The following NHLRC2 variants were observed in gnomAD, a reference collection of about 807,000 sequenced individuals.
NHLRC2 encodes the protein NHL repeat-containing protein 2.
In NHLRC2, 33 loss-of-function variants were observed where a neutral mutation model predicts 68.1. The ratio of observed to expected loss-of-function variants is 0.48; its 90% CI spans 0.37 to 0.65. The LOEUF is 0.65. NHLRC2 is among the 30% of genes least tolerant of loss of function. The pLI, the probability that NHLRC2 is intolerant of heterozygous loss-of-function variation, is 0.00. For synonymous variants in NHLRC2, 311 were observed against 309.6 expected (o/e 1.00, Z -0.05); for missense variants, 761 against 853.8 (o/e 0.89, Z 1.35).
chr10:113,882,590 A>G (rs1052620409), intron 4 of NHLRC2, among the ~76,000 whole-genome samples: 1 of 151,724 alleles, frequency 6.6e-6, no homozygotes, highest in African/African-American at 2.4e-5. Context: ...TTCTAGGTAC[A>G]AGTTCTTTAT....
Position 113,914,942 on chromosome 10 carries a change from G to C in NHLRC2, c.*6406G>C. 1 of 455,738 alleles carries C rather than the reference G, an allele frequency of 2.2e-6. No homozygotes were observed. Among genetic ancestry groups the C allele is most frequent in the South Asian group, 1.6e-5 (1 of 64,494 alleles). 28.2% of individuals were successfully genotyped at this position (455,738 alleles called of 1,614,324 possible). On this transcript the variant is annotated 3_prime_UTR_variant, in exon 11 of 11. Coordinates refer to ENST00000369301, the MANE Select transcript of NHLRC2 (RefSeq NM_198514.4). ...CTTTACATATGAGCTCTGGAGGTTC[G>C]CCTGGCTGCCTCAGGCTTGCAGAAG...
In NHLRC2 at chr10:113,896,861, G is replaced by T. The variant is rs1201237934; in HGVS notation, c.1040-1249G>T. On this transcript the variant is annotated intron_variant, in intron 5 of 10. Transcript: ENST00000369301. The stretch of plus-strand genomic sequence containing the variant: ...TACAAAAAATTAGCCGGGCATGGTG[G>T]CGGGTGCCTGTAGTCCCAGCTACTC... Among the ~76,000 whole-genome samples, 3 of 151,858 alleles carry T rather than the reference G, an allele frequency of 2.0e-5. 1 individual carries two copies. The highest frequency in any genetic ancestry group is 4.4e-5 in the Non-Finnish European group (3 of 67,938).
intron 2 of NHLRC2, among the ~76,000 whole-genome samples, chr10:113,871,852 G>GAGAAT (rs1845929048): frequency 6.6e-6 from 1 of 152,132 alleles, no homozygotes; most frequent in Non-Finnish European, 1.5e-5. Context: ...CTAGGAGACA[G>GAGAAT]AGAATATCAT....
intron 4 of NHLRC2, among the ~76,000 whole-genome samples, chr10:113,880,973 T>G (rs1846031745): frequency 6.6e-6 from 1 of 151,924 alleles, no homozygotes; most frequent in South Asian, 2.1e-4. Context: ...TGGGGGGATA[T>G]CTGTGCAGCA....
At chr10:113,894,200 T>C (rs1846157485) in intron 5 of NHLRC2, among the ~76,000 whole-genome samples, 1 of 152,172 alleles carries the variant, frequency 6.6e-6, no homozygotes, top group African/African-American at 2.4e-5. Flanking sequence ...AGTCCTTTTA[T>C]TTTCATTTAC....
chr10:113,886,923 A>G (rs569350312), intron 5 of NHLRC2, among the ~76,000 whole-genome samples: 1 of 152,344 alleles, frequency 6.6e-6, no homozygotes, highest in East Asian at 1.9e-4. Context: ...CAGTTAACAG[A>G]ATGAAGAGAC....
At chr10:113,873,828 C>T (rs558496954) in intron 2 of NHLRC2, among the ~76,000 whole-genome samples, 11 of 150,992 alleles carry the variant, frequency 7.3e-5, no homozygotes, top group East Asian at 2.0e-4. Context: ...ATTAGAGACG[C>T]GGAAGGAGGA....
At chr10:113,876,109 TAA>T (rs74263601) in intron 2 of NHLRC2, among the ~76,000 whole-genome samples, 1 of 144,006 alleles carries the variant, frequency 6.9e-6, no homozygotes. Context: ...AAAGTTAGAT[TAA>T]AAAAAAAAAG....
intron 4 of NHLRC2, 106 bp from the exon 5 acceptor site, chr10:113,884,145 C>T (rs1357483833): frequency 3.1e-6 from 3 of 960,512 alleles, no homozygotes; most frequent in Non-Finnish European, 4.7e-6. Context: ...CTTTGTACTG[C>T]ACATACACTC....
chr10:113,905,506 A>G (rs1036334889), intron 10 of NHLRC2, among the ~76,000 whole-genome samples: 5 of 152,160 alleles, frequency 3.3e-5, no homozygotes, highest in East Asian at 3.9e-4. Context: ...TCATTAATCT[A>G]TGGTAAGGAA....
intron 2 of NHLRC2, among the ~76,000 whole-genome samples, chr10:113,875,553 T>C (rs1338289303): frequency 1.3e-5 from 2 of 152,162 alleles, no homozygotes; most frequent in Non-Finnish European, 2.9e-5. Context: ...AGGAAAAGGA[T>C]TGGAAAAGAA....
rs371092325 is a variant in NHLRC2, at chr10:113,855,592, G to T, written c.178+542G>T. On this transcript the variant is annotated intron_variant, in intron 1 of 10. Coordinates refer to ENST00000369301, the MANE Select transcript of NHLRC2 (RefSeq NM_198514.4). Reference sequence around the variant, plus strand: ...AGGCGATTCACCTGCCTCAGCCTCCGGAGTAGCTGGGACTACAGGCCCGCG... The same window carrying T: ...AGGCGATTCACCTGCCTCAGCCTCCTGAGTAGCTGGGACTACAGGCCCGCG... Among the ~76,000 whole-genome samples, 6 of 151,888 alleles carry T rather than the reference G, an allele frequency of 4.0e-5. No individual in the cohort carries two copies. The East Asian group carries it at 9.7e-4, about 25-fold the overall frequency.
At position 113,911,592 on chromosome 10, in the gene NHLRC2, G is replaced by A. The variant is rs1358694968; in HGVS notation, c.*3056G>A. ...TTTTGAGCTTGTATAACTGAGATAA[G>A]TTACTCTTTGCTTGTTTTTCTGTAG... On this transcript the variant is annotated 3_prime_UTR_variant, in exon 11 of 11. Transcript: ENST00000369301. 1.3e-5 allele frequency: 2 copies of A among 152,028 alleles called. No homozygotes were observed. Among genetic ancestry groups the A allele is most frequent in the Non-Finnish European group, 2.9e-5 (2 of 67,966 alleles). The allele number at this position is 152,028 out of a possible 1,614,324, so 9.4% of individuals were successfully genotyped here. A position where few individuals can be genotyped will look rare whatever the true frequency, so the allele number is the denominator to read the frequency against.
At chr10:113,882,649 A>G (rs1846045731) in intron 4 of NHLRC2, among the ~76,000 whole-genome samples, 1 of 151,666 alleles carries the variant, frequency 6.6e-6, no homozygotes, top group African/African-American at 2.4e-5. Flanking sequence ...GCTTGCCTTT[A>G]TACTTAGTTA....
intron 8 of NHLRC2, among the ~76,000 whole-genome samples, chr10:113,903,232 T>TA (rs1300186005): frequency 6.6e-6 from 1 of 151,908 alleles, no homozygotes; most frequent in East Asian, 1.9e-4. Flanking sequence ...AACAATTCAA[T>TA]AAAAAAAAAT....
chr10:113,910,866 T>C lies in NHLRC2; in HGVS notation c.*2330T>C, dbSNP rs960064266. 1 of 152,188 alleles carries C rather than the reference T, an allele frequency of 6.6e-6. No individual in the cohort carries two copies. The highest frequency in any genetic ancestry group is 1.5e-5 in the Non-Finnish European group (1 of 68,016). 9.4% of individuals were successfully genotyped at this position (152,188 alleles called of 1,614,324 possible). A position where few individuals can be genotyped will look rare whatever the true frequency, so the allele number is the denominator to read the frequency against. On this transcript the variant is annotated 3_prime_UTR_variant, in exon 11 of 11. Coordinates refer to ENST00000369301, the MANE Select transcript of NHLRC2 (RefSeq NM_198514.4). ...TATTCTTACCCACTGCCAGTCTGCA[T>C]TGTTTTTTACATTAAAAGTATTATT...
chr10:113,906,926 G>T (rs935620272), intron 10 of NHLRC2, among the ~76,000 whole-genome samples: 2 of 152,188 alleles, frequency 1.3e-5, no homozygotes, highest in Admixed American at 6.5e-5. Context: ...GGCAGAGCTC[G>T]CAGTGAGCCA....
intron 10 of NHLRC2, among the ~76,000 whole-genome samples, chr10:113,905,868 G>A (rs893786771): frequency 6.6e-6 from 1 of 152,184 alleles, no homozygotes; most frequent in African/African-American, 2.4e-5. Flanking sequence ...TTGGTAGACT[G>A]GCTGGGAGGA....
intron 2 of NHLRC2, among the ~76,000 whole-genome samples, chr10:113,871,304 G>A (rs755091887): frequency 7.2e-5 from 11 of 152,186 alleles, no homozygotes; most frequent in African/African-American, 1.7e-4. Flanking sequence ...GATTACAGGC[G>A]TGAGCCACTG....
Sources: gnomAD v4.1 joint callset for allele counts (sites outside exome capture counted in the v4.1 genomes callset) on GRCh38, gnomAD v4.1.1 for gene constraint, MANE v1.5 for transcripts, NCBI Gene and HGNC (gene_info 2026-07-23, HGNC 2026-07-21) for gene names.